Variants in CALN1 observed in about 807,000 individuals in gnomAD.
CALN1 encodes calneuron 1.
In CALN1, 17 loss-of-function variants were observed where a neutral mutation model predicts 30.6. That is an observed-to-expected ratio of 0.56 (90% CI 0.38 to 0.83). CALN1 has a LOEUF of 0.83. Among genes scored for constraint, CALN1 ranks in the 40% least tolerant of loss-of-function variants. CALN1 has a pLI of 0.00. For synonymous variants in CALN1, 156 were observed against 131.4 expected (o/e 1.19, Z -1.28); for missense variants, 291 against 354.9 (o/e 0.82, Z 1.45).
At chr7:71,956,761 A>G (rs1165611055) in intron 5 of CALN1, among the ~76,000 whole-genome samples, 1 of 152,140 alleles carries the variant, frequency 6.6e-6, no homozygotes, top group Non-Finnish European at 1.5e-5. Context: ...CAGTGGCACA[A>G]TCTCAGCTCA....
the CALN1 span, among the ~76,000 whole-genome samples, chr7:72,498,820 A>C: frequency 6.6e-6 from 1 of 152,120 alleles, no homozygotes; most frequent in Non-Finnish European, 1.5e-5. Flanking sequence ...CATTATGATA[A>C]ATAAAGCACT....
chr7:72,273,870 T>TTCA (rs1194936258), intron 3 of CALN1, among the ~76,000 whole-genome samples: 1 of 152,070 alleles, frequency 6.6e-6, no homozygotes, highest in Non-Finnish European at 1.5e-5. Flanking sequence ...ACAAAAAAAC[T>TTCA]TCATAATGTT....
At chr7:71,873,001 A>ATTTTTTTTTTTTTTTTTT (rs371153112) in intron 5 of CALN1, among the ~76,000 whole-genome samples, 1 of 115,618 alleles carries the variant, frequency 8.6e-6, no homozygotes, top group Non-Finnish European at 1.7e-5. Context: ...GTTTGTGACA[A>ATTTTTTTTTTTTTTTTTT]TTTTTTTTTT....
intron 3 of CALN1, among the ~76,000 whole-genome samples, chr7:72,117,578 G>A (rs2129541976): frequency 6.6e-6 from 1 of 152,252 alleles, no homozygotes; most frequent in East Asian, 1.9e-4. Flanking sequence ...TTTTCAGGGT[G>A]CTTGGGGGTC....
At chr7:72,054,407 A>ACG (rs879572147) in intron 4 of CALN1, among the ~76,000 whole-genome samples, 31,944 of 92,016 alleles carry the variant, frequency 0.35, 5,066 homozygotes, top group East Asian at 0.46. Context: ...ATGTACATAT[A>ACG]TATATATATA....
intron 4 of CALN1, among the ~76,000 whole-genome samples, chr7:72,053,562 C>G (rs530320897): frequency 1.3e-5 from 2 of 152,152 alleles, no homozygotes; most frequent in Non-Finnish European, 2.9e-5. Context: ...CCCAACCTTA[C>G]CAGCATGTGT....
chr7:72,277,686 G>C (rs567653), intron 3 of CALN1, among the ~76,000 whole-genome samples: 1,695 of 152,170 alleles, frequency 0.011, 29 homozygotes, highest in African/African-American at 0.038. Flanking sequence ...CTCACTTCCT[G>C]CCTGTTGTGA....
intron 2 of CALN1, among the ~76,000 whole-genome samples, chr7:72,328,451 C>T (rs961614051): frequency 5.3e-5 from 8 of 152,194 alleles, no homozygotes; most frequent in South Asian, 4.1e-4. Flanking sequence ...ATTGTGAGGC[C>T]TCCCAGGCAT....
At chr7:72,061,451 A>G (rs899769073) in intron 4 of CALN1, among the ~76,000 whole-genome samples, 2 of 152,022 alleles carry the variant, frequency 1.3e-5, no homozygotes, top group Non-Finnish European at 2.9e-5. Flanking sequence ...CTCGAGAGGA[A>G]TGGGAAAATA....
chr7:71,846,775 AAT>A (rs1159578713), intron 5 of CALN1, among the ~76,000 whole-genome samples: 2 of 148,132 alleles, frequency 1.4e-5, no homozygotes, highest in Non-Finnish European at 3.0e-5. Flanking sequence ...CACGTATATA[AAT>A]ATATATACGT....
At chr7:72,225,443 T>C (rs1793601671) in intron 3 of CALN1, among the ~76,000 whole-genome samples, 1 of 151,984 alleles carries the variant, frequency 6.6e-6, no homozygotes. Flanking sequence ...TACAAAGAAG[T>C]GAGCAGGGCT....
chr7:72,359,993 CA>C (rs1267520809), intron 2 of CALN1, among the ~76,000 whole-genome samples: 1 of 78,410 alleles, frequency 1.3e-5, no homozygotes, highest in South Asian at 4.0e-4. Flanking sequence ...AAAAAAAAAC[CA>C]AAGTTGACCT....
chr7:72,441,605 A>G (rs1381846519), intron 1 of CALN1, among the ~76,000 whole-genome samples: 1 of 151,306 alleles, frequency 6.6e-6, no homozygotes, highest in African/African-American at 2.4e-5. Context: ...CTCAAAAAAA[A>G]AAAAAAAAAA....
chr7:72,446,602 C>T (rs995146898), intron 1 of CALN1, among the ~76,000 whole-genome samples: 2 of 152,146 alleles, frequency 1.3e-5, no homozygotes, highest in East Asian at 1.9e-4. Context: ...TTTCCAATAA[C>T]GTAGGAGTGC....
chr7:71,969,462 T>A (rs1229209141), intron 5 of CALN1, among the ~76,000 whole-genome samples: 3 of 152,182 alleles, frequency 2.0e-5, no homozygotes, highest in Non-Finnish European at 4.4e-5. Flanking sequence ...CATAACCGAA[T>A]ACATACATAC....
At chr7:71,925,620 G>T (rs1323661341) in intron 5 of CALN1, among the ~76,000 whole-genome samples, 1 of 151,150 alleles carries the variant, frequency 6.6e-6, no homozygotes, top group African/African-American at 2.4e-5. Context: ...TAAAAATATA[G>T]ACTTCTGGGT....
chr7:72,004,846 A>G (rs1799690997), intron 5 of CALN1, among the ~76,000 whole-genome samples: 1 of 152,244 alleles, frequency 6.6e-6, no homozygotes, highest in Non-Finnish European at 1.5e-5. Flanking sequence ...AATATGGGCA[A>G]AAGACATCAA....
At chr7:72,340,072 G>A (rs1433137612) in intron 2 of CALN1, among the ~76,000 whole-genome samples, 2 of 152,198 alleles carry the variant, frequency 1.3e-5, no homozygotes, top group Non-Finnish European at 2.9e-5. Flanking sequence ...GGATGAGAGG[G>A]AACTGAGGAC....
chr7:72,042,826 A>G (rs903105851), intron 4 of CALN1, among the ~76,000 whole-genome samples: 2 of 152,074 alleles, frequency 1.3e-5, no homozygotes, highest in African/African-American at 4.8e-5. Flanking sequence ...TTGATGAACC[A>G]CTCTTAAAAG....
Sources: gnomAD v4.1 joint callset for allele counts (sites outside exome capture counted in the v4.1 genomes callset) on GRCh38, gnomAD v4.1.1 for gene constraint, MANE v1.5 for transcripts, NCBI Gene and HGNC (gene_info 2026-07-23, HGNC 2026-07-21) for gene names.